Variants in ADAM23 observed in about 807,000 individuals in gnomAD.
The protein encoded by ADAM23 is ADAM metallopeptidase domain 23.
In ADAM23, 33 loss-of-function variants were observed where a neutral mutation model predicts 120.1. The observed-to-expected ratio is 0.27, with a 90% CI of 0.21 to 0.37. The LOEUF (loss-of-function observed/expected upper bound fraction) is 0.37. Among genes scored for constraint, ADAM23 ranks in the 10% least tolerant of loss-of-function variants. The pLI is 1.00. For synonymous variants in ADAM23, 367 were observed against 375.2 expected, an observed-to-expected ratio of 0.98 and a Z score of 0.25; for missense variants, 862 against 1,058.2, an observed-to-expected ratio of 0.81 and a Z score of 2.57.
rs377701138 is a variant in ADAM23 at position 206,561,130 on chromosome 2, G to C, written c.1172G>C (p.Arg391Pro). ...TGATAGCACTGCTTTTTCTTAAGGC[G>C]GGTGACATTTCACTATAAGAGAAGC... ...QHADAVHLIS[R>P]VTFHYKRSSL... is the part of the protein sequence containing the mutation. The change falls in exon 12 of 26, where the codon CGG becomes CCG. Residue 391 changes from arginine (R) to proline (P), a missense_variant and splice_region_variant. Transcript: ENST00000264377. The C allele has an allele frequency of 6.2e-7, 1 of 1,613,850 alleles. No homozygotes were observed. Among genetic ancestry groups the C allele is most frequent in the African/African-American group, 1.3e-5 (1 of 75,006 alleles).
chr2:206,455,235 C>T (rs1695273716), intron 2 of ADAM23, among the ~76,000 whole-genome samples: 1 of 152,192 alleles, frequency 6.6e-6, no homozygotes, highest in Admixed American at 6.5e-5. Flanking sequence ...ACGTGGAAGC[C>T]ACCAAGGCTT....
At chr2:206,467,886 G>A (rs566824116) in intron 2 of ADAM23, among the ~76,000 whole-genome samples, 141 of 152,106 alleles carry the variant, frequency 9.3e-4, no homozygotes, top group Non-Finnish European at 1.9e-3. Context: ...TCTGTGCACC[G>A]GCAGGCTTAA....
intron 4 of ADAM23, among the ~76,000 whole-genome samples, 191 bp from the exon 5 acceptor site, chr2:206,541,861 C>G (rs1241060460): frequency 6.6e-6 from 1 of 152,120 alleles, no homozygotes; most frequent in Non-Finnish European, 1.5e-5. Flanking sequence ...ATTTAACACA[C>G]ACATGCTTGT....
intron 3 of ADAM23, among the ~76,000 whole-genome samples, chr2:206,490,778 A>T (rs1218209278): frequency 6.6e-6 from 1 of 152,072 alleles, no homozygotes; most frequent in Non-Finnish European, 1.5e-5. Flanking sequence ...TTTTGTTGCC[A>T]TATTTTCTCT....
intron 25 of ADAM23, among the ~76,000 whole-genome samples, chr2:206,613,813 G>A (rs1698881752): frequency 6.6e-6 from 1 of 152,178 alleles, no homozygotes; most frequent in Non-Finnish European, 1.5e-5. Flanking sequence ...GAACAGGATT[G>A]TCTTCAGCAC....
intron 24 of ADAM23, among the ~76,000 whole-genome samples, chr2:206,600,640 A>G (rs1698623273): frequency 1.3e-5 from 2 of 152,176 alleles, no homozygotes; most frequent in Non-Finnish European, 2.9e-5. Context: ...TATTTTAACT[A>G]TAAGTTCCTG....
At chr2:206,606,182 A>G (rs1698725891) in intron 24 of ADAM23, among the ~76,000 whole-genome samples, 1 of 152,142 alleles carries the variant, frequency 6.6e-6, no homozygotes, top group Non-Finnish European at 1.5e-5. Context: ...TAAAATACAG[A>G]CTTTTTTTTA....
intron 8 of ADAM23, among the ~76,000 whole-genome samples, chr2:206,548,986 C>T (rs531423213): frequency 1.3e-5 from 2 of 152,052 alleles, no homozygotes; most frequent in East Asian, 3.9e-4. Context: ...TGTTTCTGGT[C>T]TTTTCATAAT....
intron 4 of ADAM23, among the ~76,000 whole-genome samples, chr2:206,536,665 T>C (rs889293140): frequency 1.7e-4 from 26 of 152,136 alleles, no homozygotes; most frequent in African/African-American, 6.3e-4. Context: ...AGTAATAATT[T>C]CACTATGTAT....
At chr2:206,473,617 CAAT>C (rs1373964466) in intron 2 of ADAM23, among the ~76,000 whole-genome samples, 16 of 147,078 alleles carry the variant, frequency 1.1e-4, no homozygotes, top group Admixed American at 2.8e-4. Context: ...ACAACAACAA[CAAT>C]AACGATTCTT....
Position 206,543,012 on chromosome 2 carries a change from T to C in ADAM23, c.657-241T>C, listed in dbSNP as rs1444322075. Among the ~76,000 whole-genome samples, 4 of 152,344 alleles carry C rather than the reference T, an allele frequency of 2.6e-5. No homozygotes were observed. The East Asian group carries it at 7.7e-4, about 29-fold the overall frequency. On this transcript the variant is annotated intron_variant, in intron 5 of 25. Transcript: ENST00000264377. ...AATTTCAAACATCAGTTATATCAGG[T>C]ATAATTTGCATGCATTTGATGTATA...
chr2:206,545,876 C>G (rs1019018670), intron 6 of ADAM23, among the ~76,000 whole-genome samples: 1 of 152,162 alleles, frequency 6.6e-6, no homozygotes, highest in African/African-American at 2.4e-5. Context: ...ACAAAATCCA[C>G]AAAGAACAAA....
At chr2:206,540,704 T>G (rs1377770469) in intron 4 of ADAM23, among the ~76,000 whole-genome samples, 1 of 151,944 alleles carries the variant, frequency 6.6e-6, no homozygotes, top group African/African-American at 2.4e-5. Flanking sequence ...CTTATGTCAC[T>G]TATCCCAGAA....
chr2:206,595,053 C>CTGT (rs1245768245), intron 23 of ADAM23, 148 bp downstream of exon 23: 7 of 954,414 alleles, frequency 7.3e-6, no homozygotes, highest in Non-Finnish European at 1.1e-5. Flanking sequence ...TGGTGGTGGG[C>CTGT]ACCTGTAGTC....
intron 3 of ADAM23, among the ~76,000 whole-genome samples, chr2:206,522,372 T>C (rs886192629): frequency 6.6e-6 from 1 of 152,132 alleles, no homozygotes; most frequent in African/African-American, 2.4e-5. Flanking sequence ...TGTTGGTTTC[T>C]TTTTTATTCT....
intron 3 of ADAM23, among the ~76,000 whole-genome samples, chr2:206,523,265 C>G (rs548800226): frequency 2.0e-5 from 3 of 151,416 alleles, no homozygotes; most frequent in Admixed American, 2.0e-4. Context: ...CCACTGCAAT[C>G]TCTCATATGG....
At chr2:206,511,809 ATTCC>A (rs1343257700) in intron 3 of ADAM23, among the ~76,000 whole-genome samples, 1 of 152,016 alleles carries the variant, frequency 6.6e-6, no homozygotes, top group Non-Finnish European at 1.5e-5. Context: ...CTCTTTTTTT[ATTCC>A]TTTGTTGCTA....
chr2:206,566,557 C>T (rs539123015), intron 14 of ADAM23, among the ~76,000 whole-genome samples: 1 of 152,258 alleles, frequency 6.6e-6, no homozygotes, highest in South Asian at 2.1e-4. Context: ...CACAGAAAGG[C>T]TCATTTTCTA....
At position 206,499,552 on chromosome 2, in the gene ADAM23, A is replaced by G. The variant is rs969750571; in HGVS notation, c.509+18244A>G. On this transcript the variant is annotated intron_variant, in intron 3 of 25. Coordinates refer to ENST00000264377, the MANE Select transcript of ADAM23 (RefSeq NM_003812.4). ...ATACCTAATGCTAAATGACGAGTTAATGGGTGCAGCAAACCAACATGGCAC... is the reference window on the plus strand; with the variant it reads ...ATACCTAATGCTAAATGACGAGTTAGTGGGTGCAGCAAACCAACATGGCAC... Among the ~76,000 whole-genome samples, 9 of 151,768 alleles carry G rather than the reference A, an allele frequency of 5.9e-5. 1 individual carries two copies. The East Asian group carries it at 9.7e-4, about 16-fold the overall frequency.
Sources: gnomAD v4.1 joint callset for allele counts (sites outside exome capture counted in the v4.1 genomes callset) on GRCh38, gnomAD v4.1.1 for gene constraint, MANE v1.5 for transcripts, NCBI Gene and HGNC (gene_info 2026-07-23, HGNC 2026-07-21) for gene names.